Variants in PUM1 observed in about 807,000 individuals in gnomAD.
PUM1 encodes pumilio RNA binding family member 1.
PUM1 carries 13 observed loss-of-function variants against 131.8 expected under a neutral mutation model. That is an observed-to-expected ratio of 0.10 (90% CI 0.06 to 0.16). The LOEUF (loss-of-function observed/expected upper bound fraction) is 0.16, where lower values mean the gene tolerates loss of function less well. PUM1 is among the 10% of genes least tolerant of loss of function. PUM1 has a pLI of 1.00. For missense variants in PUM1, 961 were observed against 1,512.4 expected, an observed-to-expected ratio of 0.64 and a Z score of 6.05; for synonymous variants, 509 against 556.5, an observed-to-expected ratio of 0.91 and a Z score of 1.20.
intron 16 of PUM1, among the ~76,000 whole-genome samples, chr1:30,951,317 C>T (rs1570112843): frequency 6.6e-6 from 1 of 152,078 alleles, no homozygotes; most frequent in South Asian, 2.1e-4. Context: ...ATCAAAAATA[C>T]AAAAGTCATG....
intron 10 of PUM1, among the ~76,000 whole-genome samples, chr1:30,973,983 GAGGCTA>G (rs1352142778): frequency 3.3e-5 from 5 of 151,888 alleles, no homozygotes; most frequent in African/African-American, 1.2e-4. Context: ...AGCTACTCAG[GAGGCTA>G]AGGCAGGAGA....
intron 8 of PUM1, among the ~76,000 whole-genome samples, chr1:30,980,727 A>G (rs1364450193): frequency 6.6e-6 from 1 of 152,198 alleles, no homozygotes; most frequent in African/African-American, 2.4e-5. Context: ...ATTAAAAAAA[A>G]AAATTCTACT....
intron 1 of PUM1, among the ~76,000 whole-genome samples, chr1:31,063,360 A>C (rs141851153): frequency 7.4e-4 from 112 of 152,218 alleles, no homozygotes; most frequent in Non-Finnish European, 1.3e-3. Context: ...CGTGCTTAAG[A>C]CTCTTAGAAT....
At position 30,966,013 on chromosome 1, in the gene PUM1, C is replaced by G; in HGVS notation, c.2055G>C (p.Leu685=). Residue 685 remains leucine, a synonymous_variant, in exon 13 of 22, where the codon CTG becomes CTC. Coordinates refer to ENST00000426105, the MANE Select transcript of PUM1 (RefSeq NM_001020658.2). ...TTCCAAACCCTCCAAGGGCGGATCC[C>G]AGGGTGGCGCCGAGAGAACTGCTAC... ...FGSSSSLGAT[L]GSALGGFGTA... is the part of the protein sequence containing the mutation. 1.2e-6 allele frequency: 2 copies of G among 1,614,058 alleles called. No individual in the cohort carries two copies. The highest frequency in any genetic ancestry group is 2.2e-5 in the South Asian group (2 of 91,050).
chr1:31,038,956 TTTTATATA>T (rs1260896354), intron 2 of PUM1, among the ~76,000 whole-genome samples: 12 of 42,536 alleles, frequency 2.8e-4, no homozygotes, highest in South Asian at 1.6e-3. Flanking sequence ...TGTTTTAAAA[TTTTATATA>T]TATATATATA....
At chr1:30,954,894 C>T (rs1640085387) in intron 14 of PUM1, among the ~76,000 whole-genome samples, 1 of 151,628 alleles carries the variant, frequency 6.6e-6, no homozygotes, top group Non-Finnish European at 1.5e-5. Context: ...GAGACCCCAT[C>T]TCTAAAAAAA....
chr1:30,934,654 CTA>C (rs1639123551), intron 21 of PUM1, among the ~76,000 whole-genome samples: 1 of 152,202 alleles, frequency 6.6e-6, no homozygotes, highest in Non-Finnish European at 1.5e-5. Context: ...AGTTGTAATA[CTA>C]TGTTACTAAT....
At chr1:30,972,905 C>A (rs1640979867) in intron 10 of PUM1, 1 of 152,114 alleles carries the variant, frequency 6.6e-6, no homozygotes, top group Non-Finnish European at 1.5e-5. Flanking sequence ...TGTGGTGAAA[C>A]CCCGTCTCTA....
Position 30,931,539 on chromosome 1 carries a change from G to A in PUM1, c.*1672C>T, listed in dbSNP as rs1218827329. On this transcript the variant is annotated 3_prime_UTR_variant, in exon 22 of 22. Coordinates refer to ENST00000426105, the MANE Select transcript of PUM1 (RefSeq NM_001020658.2). ...AAAGTTCTGTATTTTTCAAAATAAA[G>A]ATCACACATTGTTTAGAGACAATCT... 1 of 151,682 alleles carries A rather than the reference G, an allele frequency of 6.6e-6. No homozygotes were observed. The highest frequency in any genetic ancestry group is 1.5e-5 in the Non-Finnish European group (1 of 67,798). The allele number at this position is 151,682 out of a possible 1,614,324, so 9.4% of individuals were successfully genotyped here.
At chr1:31,003,927 T>A (rs1346846833) in intron 5 of PUM1, among the ~76,000 whole-genome samples, 1 of 152,198 alleles carries the variant, frequency 6.6e-6, no homozygotes, top group African/African-American at 2.4e-5. Context: ...ACAATCTTCC[T>A]TCTAAAAGAA....
At chr1:30,980,024 G>C in intron 9 of PUM1, 38 bp downstream of exon 9, 1 of 1,422,422 alleles carries the variant, frequency 7.0e-7, no homozygotes, top group Non-Finnish European at 9.7e-7. Context: ...TGACTTTTCA[G>C]CAGGTGAGAA....
In PUM1 at chr1:30,953,644, C is replaced by T. The variant is rs370903393; in HGVS notation, c.2591+70G>A. On this transcript the variant is annotated intron_variant, in intron 15 of 21. Coordinates refer to ENST00000426105, the MANE Select transcript of PUM1 (RefSeq NM_001020658.2). Reference sequence around the variant, plus strand: ...ATATGGCAATTTATTTAAGTAGATACCCATCTGAGCCAAGACAGTTAAGGC... The same window carrying T: ...ATATGGCAATTTATTTAAGTAGATATCCATCTGAGCCAAGACAGTTAAGGC... The T allele has an allele frequency of 5.2e-6, 8 of 1,527,562 alleles. No individual in the cohort carries two copies. The Admixed American group carries it at 1.3e-4, about 24-fold the overall frequency. The allele number at this position is 1,527,562 out of a possible 1,614,324, so 94.6% of individuals were successfully genotyped here. A position where few individuals can be genotyped will look rare whatever the true frequency, so the allele number is the denominator to read the frequency against.
chr1:30,955,693 C>T (rs1640134864), intron 14 of PUM1, among the ~76,000 whole-genome samples: 1 of 152,068 alleles, frequency 6.6e-6, no homozygotes, highest in African/African-American at 2.4e-5. Context: ...CCAATATTAA[C>T]TACTTCTCAA....
intron 3 of PUM1, among the ~76,000 whole-genome samples, chr1:31,009,782 A>AAAAAAAAAAAAAAAAACAAAAAC (rs375044466): frequency 4.0e-5 from 5 of 125,370 alleles, no homozygotes; most frequent in Non-Finnish European, 6.4e-5. Flanking sequence ...AAAAAAAAAA[A>AAAAAAAAAAAAAAAAACAAAAAC]AAAAACAAAA....
At chr1:30,999,219 C>T (rs1305900585) in intron 5 of PUM1, among the ~76,000 whole-genome samples, 2 of 152,090 alleles carry the variant, frequency 1.3e-5, no homozygotes, top group Admixed American at 1.3e-4. Flanking sequence ...AGGCTAGATT[C>T]AAACACCTGG....
chr1:30,935,230 C>A (rs1186822313), intron 21 of PUM1, among the ~76,000 whole-genome samples: 1 of 152,218 alleles, frequency 6.6e-6, no homozygotes, highest in Non-Finnish European at 1.5e-5. Flanking sequence ...TGTTTTACTT[C>A]TTCAGATACA....
intron 3 of PUM1, among the ~76,000 whole-genome samples, chr1:31,022,665 C>T (rs1281138676): frequency 6.6e-6 from 1 of 152,140 alleles, no homozygotes; most frequent in Admixed American, 6.5e-5. Flanking sequence ...CAGGAACTTC[C>T]TCAAACAATA....
intron 2 of PUM1, among the ~76,000 whole-genome samples, chr1:31,046,611 G>A (rs61224920): frequency 0.072 from 10,714 of 149,504 alleles, 629 homozygotes; most frequent in East Asian, 0.29. Context: ...GGGTTCAAGC[G>A]ATTCTCCTGC....
chr1:31,023,006 T>TA lies in PUM1; in HGVS notation c.432+5789dup, dbSNP rs776527782. Reference sequence around the variant, plus strand: ...CAACATAGTGAAACCCTGTCTCTATTAAAAAAAAATACAACAAATTAGCTG... The same window carrying TA: ...CAACATAGTGAAACCCTGTCTCTATTAAAAAAAAAATACAACAAATTAGCTG... On this transcript the variant is annotated intron_variant, in intron 3 of 21. Transcript: ENST00000426105. Among the ~76,000 whole-genome samples the TA allele has an allele frequency of 2.9e-4, 44 of 150,424 alleles. No homozygotes were observed. In the South Asian group the frequency reaches 4.4e-3, roughly 15 times the overall value.
Sources: gnomAD v4.1 joint callset for allele counts (sites outside exome capture counted in the v4.1 genomes callset) on GRCh38, gnomAD v4.1.1 for gene constraint, MANE v1.5 for transcripts, NCBI Gene and HGNC (gene_info 2026-07-23, HGNC 2026-07-21) for gene names.